Variants in MRTFA observed in about 807,000 individuals in gnomAD.
The protein encoded by MRTFA is myocardin related transcription factor A.
MRTFA carries 20 observed loss-of-function variants against 83.5 expected under a neutral mutation model. That is an observed-to-expected ratio of 0.24 (90% CI 0.17 to 0.35). MRTFA has a LOEUF of 0.35. Ranked by LOEUF, MRTFA falls within the 10% of genes least tolerant of loss-of-function variation. The pLI, the probability that MRTFA is intolerant of heterozygous loss-of-function variation, is 1.00. For synonymous variants in MRTFA, 659 were observed against 541.2 expected (o/e 1.22, Z -3.02); for missense variants, 1,200 against 1,224.7 (o/e 0.98, Z 0.30).
chr22:40,501,476 A>G (rs1235327240), intron 3 of MRTFA, among the ~76,000 whole-genome samples: 1 of 356 alleles, frequency 2.8e-3, no homozygotes, highest in Non-Finnish European at 4.6e-3. Context: ...CTCACCTCCC[A>G]GACGGGGCGG....
At chr22:40,618,291 C>T (rs1308854362) in intron 1 of MRTFA, among the ~76,000 whole-genome samples, 2 of 148,254 alleles carry the variant, frequency 1.3e-5, no homozygotes, top group East Asian at 2.0e-4. Flanking sequence ...GGGGTTTCAC[C>T]GTGTTAGCCA....
chr22:40,493,908 A>ATTGTCTACCTTGTT (rs2054309628), intron 3 of MRTFA, among the ~76,000 whole-genome samples: 1 of 152,332 alleles, frequency 6.6e-6, no homozygotes, highest in East Asian at 1.9e-4. Context: ...CCTGATGTAA[A>ATTGTCTACCTTGTT]TTGTCTACCT....
intron 3 of MRTFA, among the ~76,000 whole-genome samples, chr22:40,502,133 A>C (rs1602347042): frequency 1.4e-5 from 2 of 137,934 alleles, no homozygotes; most frequent in African/African-American, 2.8e-5. Context: ...CACCTCCCGG[A>C]CGGGGCGGCT....
intron 3 of MRTFA, among the ~76,000 whole-genome samples, chr22:40,535,348 C>CTTTT (rs531303160): frequency 0.016 from 1,742 of 107,024 alleles, 120 homozygotes; most frequent in East Asian, 0.02. Flanking sequence ...GAGGTTTTTT[C>CTTTT]TTTTTTTTTT....
chr22:40,631,015 CAG>C (rs1262414773), intron 1 of MRTFA, among the ~76,000 whole-genome samples: 1 of 152,168 alleles, frequency 6.6e-6, no homozygotes, highest in African/African-American at 2.4e-5. Flanking sequence ...ATTCTACAGA[CAG>C]AGAGCCCAGT....
intron 2 of MRTFA, among the ~76,000 whole-genome samples, chr22:40,554,065 C>T (rs974174814): frequency 6.6e-6 from 1 of 152,120 alleles, no homozygotes; most frequent in Non-Finnish European, 1.5e-5. Flanking sequence ...AATTTCTCCC[C>T]TTTGGAATGG....
At chr22:40,413,342 A>ATT (rs113118987) in intron 14 of MRTFA, among the ~76,000 whole-genome samples, 23 of 136,826 alleles carry the variant, frequency 1.7e-4, no homozygotes, top group Non-Finnish European at 2.9e-4. Flanking sequence ...TTTTACCACA[A>ATT]TTTTTTTTTT....
intron 4 of MRTFA, among the ~76,000 whole-genome samples, chr22:40,460,374 T>C (rs2147147905): frequency 6.6e-6 from 1 of 152,356 alleles, no homozygotes; most frequent in African/African-American, 2.4e-5. Flanking sequence ...GCACTGCTTT[T>C]AGACCCTGAA....
intron 2 of MRTFA, chr22:40,587,617 A>AG: frequency 3.3e-6 from 1 of 302,876 alleles, no homozygotes. Context: ...AGAGGCAGCC[A>AG]GGGGAGAACA....
rs1389242621 is a variant in MRTFA, at chr22:40,476,154, A to AG, written c.242-12869_242-12868insC. ...GCAAGACTCCGTCTCAAAAAAAAAA[A>AG]AGGGGGGGGGTCTTGAAAGTATTTT... On this transcript the variant is annotated intron_variant, in intron 3 of 14. Coordinates refer to ENST00000355630, the MANE Select transcript of MRTFA (RefSeq NM_020831.6). Among the ~76,000 whole-genome samples, 676 of 149,982 alleles carry AG rather than the reference A, an allele frequency of 4.5e-3. 4 individuals are homozygous for AG. Among genetic ancestry groups the AG allele is most frequent in the Non-Finnish European group, 7.3e-3 (493 of 67,472 alleles).
chr22:40,476,306 C>G (rs1044937763), intron 3 of MRTFA, among the ~76,000 whole-genome samples: 1 of 152,092 alleles, frequency 6.6e-6, no homozygotes, highest in Non-Finnish European at 1.5e-5. Flanking sequence ...TAAAAAGATA[C>G]GAAAGAGAAG....
chr22:40,470,641 G>C (rs922478644), intron 3 of MRTFA, among the ~76,000 whole-genome samples: 1 of 151,938 alleles, frequency 6.6e-6, no homozygotes, highest in Non-Finnish European at 1.5e-5. Context: ...AAAGTGGTAA[G>C]CAATGATACA....
At chr22:40,571,377 TAAAAC>T (rs1384147554) in intron 2 of MRTFA, among the ~76,000 whole-genome samples, 1 of 151,968 alleles carries the variant, frequency 6.6e-6, no homozygotes, top group Non-Finnish European at 1.5e-5. Context: ...GCTTCCTAAA[TAAAAC>T]AAAGTACATG....
chr22:40,587,517 G>A (rs1026077884), intron 2 of MRTFA: 5 of 296,234 alleles, frequency 1.7e-5, no homozygotes, highest in Non-Finnish European at 3.3e-5. Flanking sequence ...TGATTGTCTT[G>A]TAGCCTTCAA....
intron 1 of MRTFA, among the ~76,000 whole-genome samples, chr22:40,609,601 T>C (rs1470142538): frequency 6.6e-6 from 1 of 151,498 alleles, no homozygotes; most frequent in South Asian, 2.1e-4. Context: ...GAGGCCTAGA[T>C]GGGTGGATCA....
rs943534675 is a variant in MRTFA at position 40,539,002 on chromosome 22, T to G, written c.241+13104A>C. Among the ~76,000 whole-genome samples the G allele has an allele frequency of 1.2e-4, 18 of 145,696 alleles. 1 individual carries two copies. Among genetic ancestry groups the G allele is most frequent in the Admixed American group, 3.4e-4 (5 of 14,656 alleles). On this transcript the variant is annotated intron_variant, in intron 3 of 14. Transcript: ENST00000355630. ...TACACAGCCTTTTGTTTTTTTTTTTTTTTTTTTTTTGAGACAAAGTCTCAC... is the reference window on the plus strand; with the variant it reads ...TACACAGCCTTTTGTTTTTTTTTTTGTTTTTTTTTTGAGACAAAGTCTCAC...
At chr22:40,517,353 T>C (rs1451949452) in intron 3 of MRTFA, among the ~76,000 whole-genome samples, 3 of 152,108 alleles carry the variant, frequency 2.0e-5, no homozygotes, top group African/African-American at 7.2e-5. Context: ...GTAGGCTAAG[T>C]ACTGGGAGAA....
chr22:40,448,915 A>G (rs2053434003), intron 4 of MRTFA, among the ~76,000 whole-genome samples: 1 of 152,180 alleles, frequency 6.6e-6, no homozygotes, highest in Non-Finnish European at 1.5e-5. Flanking sequence ...GAACGCTCAG[A>G]ATTTTTCTGT....
chr22:40,631,122 G>A (rs1452532269), intron 1 of MRTFA, among the ~76,000 whole-genome samples: 2 of 152,122 alleles, frequency 1.3e-5, no homozygotes, highest in African/African-American at 4.8e-5. Flanking sequence ...CCTAAATAAA[G>A]CCACTGGTTC....
Sources: gnomAD v4.1 joint callset for allele counts (sites outside exome capture counted in the v4.1 genomes callset) on GRCh38, gnomAD v4.1.1 for gene constraint, MANE v1.5 for transcripts, NCBI Gene and HGNC (gene_info 2026-07-23, HGNC 2026-07-21) for gene names.